The following GABRG2 variants were observed in gnomAD, a reference collection of about 807,000 sequenced individuals.
The protein encoded by GABRG2 is gamma-aminobutyric acid receptor subunit gamma-2.
GABRG2 carries 16 observed loss-of-function variants against 56.4 expected under a neutral mutation model. That is an observed-to-expected ratio of 0.28 (90% CI 0.19 to 0.43). The LOEUF (loss-of-function observed/expected upper bound fraction) is 0.43, where lower values mean the gene tolerates loss of function less well. Ranked by LOEUF, GABRG2 falls within the 20% of genes least tolerant of loss-of-function variation. The probability of loss-of-function intolerance (pLI) is 1.00; values close to 1 mark genes in which losing one functional copy is unlikely to be tolerated. For missense variants in GABRG2, 327 were observed against 582.7 expected (o/e 0.56, Z 4.52); for synonymous variants, 208 against 205.5 (o/e 1.01, Z -0.10).
intron 6 of GABRG2, among the ~76,000 whole-genome samples, chr5:162,112,468 A>G (rs1762322872): frequency 1.3e-5 from 2 of 152,052 alleles, no homozygotes; most frequent in African/African-American, 4.8e-5. Context: ...CAGAGATGAT[A>G]CTCTACACAT....
At chr5:162,151,155 A>G (rs1454147372) in intron 8 of GABRG2, 2 of 153,324 alleles carry the variant, frequency 1.3e-5, no homozygotes, top group Non-Finnish European at 2.9e-5. Flanking sequence ...AGATAGAGGC[A>G]GATTCCCTTA....
intron 1 of GABRG2, among the ~76,000 whole-genome samples, chr5:162,076,899 A>T (rs1274753873): frequency 6.6e-6 from 1 of 152,026 alleles, no homozygotes; most frequent in East Asian, 1.9e-4. Flanking sequence ...ACTGCCCAAA[A>T]TACCTTTCTG....
intron 6 of GABRG2, among the ~76,000 whole-genome samples, chr5:162,113,777 G>A (rs372087393): frequency 6.6e-6 from 1 of 152,126 alleles, no homozygotes. Context: ...ACTGTGTAAC[G>A]GTTCCTTGTT....
chr5:162,078,971 A>T (rs1759426143), intron 1 of GABRG2, among the ~76,000 whole-genome samples: 1 of 150,330 alleles, frequency 6.7e-6, no homozygotes, highest in Non-Finnish European at 1.5e-5. Flanking sequence ...TTTATATATT[A>T]ATAATTAAAT....
At chr5:162,085,095 C>A (rs1363637) in intron 1 of GABRG2, among the ~76,000 whole-genome samples, 55 of 151,884 alleles carry the variant, frequency 3.6e-4, no homozygotes, top group African/African-American at 1.3e-3. Context: ...GTTATGAGGC[C>A]GTCAATATTG....
chr5:162,080,346 G>A (rs960546946), intron 1 of GABRG2, among the ~76,000 whole-genome samples: 3 of 152,110 alleles, frequency 2.0e-5, no homozygotes, highest in African/African-American at 7.2e-5. Flanking sequence ...TGGATAAGAA[G>A]TTGAGACTAT....
At chr5:162,152,684 C>CTAAGCATGA (rs1437168695) in intron 9 of GABRG2, 7 of 385,288 alleles carry the variant, frequency 1.8e-5, no homozygotes, top group African/African-American at 4.1e-5. Flanking sequence ...AAGCATGACA[C>CTAAGCATGA]AATATTTGAT....
intron 9 of GABRG2, chr5:162,151,967 A>T (rs1765406635): frequency 6.5e-6 from 3 of 461,752 alleles, no homozygotes; most frequent in Non-Finnish European, 1.1e-5. Context: ...CAAAAGCTAT[A>T]ATCCCTGTGA....
At chr5:162,140,797 C>T (rs532791583) in intron 6 of GABRG2, among the ~76,000 whole-genome samples, 1 of 152,194 alleles carries the variant, frequency 6.6e-6, no homozygotes, top group East Asian at 1.9e-4. Context: ...ATGTGTTTCT[C>T]TAATATATTT....
intron 6 of GABRG2, among the ~76,000 whole-genome samples, chr5:162,141,135 C>G (rs1764533287): frequency 6.6e-6 from 1 of 152,048 alleles, no homozygotes; most frequent in African/African-American, 2.4e-5. Flanking sequence ...CTCCCGGGTT[C>G]ACGCCATTCT....
At position 162,155,072 on chromosome 5, in the gene GABRG2, A is replaced by G. The variant is rs1561663328; in HGVS notation, c.*1704A>G. The G allele has an allele frequency of 6.6e-6, 1 of 152,556 alleles. No individual in the cohort carries two copies. Among genetic ancestry groups the G allele is most frequent in the Admixed American group, 6.6e-5 (1 of 15,252 alleles). 9.5% of individuals were successfully genotyped at this position (152,556 alleles called of 1,614,324 possible). The stretch of plus-strand genomic sequence containing the variant: ...GTATAACTTTACAGATAACCTAAAA[A>G]GAATAGAAAAGAAGAGAGAGTGGCT... On this transcript the variant is annotated 3_prime_UTR_variant, in exon 10 of 10. Transcript: ENST00000639213.
At chr5:162,102,510 T>TTGGTTG (rs1561644645) in intron 5 of GABRG2, 1 of 453,802 alleles carries the variant, frequency 2.2e-6, no homozygotes. Context: ...TATCATCATT[T>TTGGTTG]TTGTTGTTGT....
intron 1 of GABRG2, among the ~76,000 whole-genome samples, chr5:162,068,834 T>C (rs978845654): frequency 1.2e-4 from 19 of 152,150 alleles, no homozygotes; most frequent in African/African-American, 4.6e-4. Flanking sequence ...CTGATCTGTT[T>C]ACCTCTACTC....
chr5:162,142,648 G>A (rs1764662798), intron 7 of GABRG2: 1 of 347,254 alleles, frequency 2.9e-6, no homozygotes, highest in Admixed American at 3.9e-5. Flanking sequence ...CTATCGCAAG[G>A]ACAAAAAACC....
chr5:162,088,439 G>A (rs150518431), intron 1 of GABRG2, among the ~76,000 whole-genome samples: 16 of 152,230 alleles, frequency 1.1e-4, no homozygotes, highest in Non-Finnish European at 1.9e-4. Flanking sequence ...TTTAAATGAG[G>A]CAGATGATCA....
chr5:162,076,143 C>A (rs573818463), intron 1 of GABRG2, among the ~76,000 whole-genome samples: 8 of 151,988 alleles, frequency 5.3e-5, no homozygotes, highest in African/African-American at 2.4e-5. Context: ...CAGAGTGAGA[C>A]CCCGTCTCAA....
chr5:162,090,565 C>G (rs968557540), intron 1 of GABRG2, among the ~76,000 whole-genome samples: 2 of 152,078 alleles, frequency 1.3e-5, no homozygotes, highest in East Asian at 1.9e-4. Context: ...ATTTTCTAAC[C>G]ATGAATATTT....
chr5:162,084,621 A>G (rs1258919977), intron 1 of GABRG2, among the ~76,000 whole-genome samples: 1 of 151,904 alleles, frequency 6.6e-6, no homozygotes, highest in Non-Finnish European at 1.5e-5. Context: ...ACATACAGCC[A>G]GGGATAAGAG....
chr5:162,129,367 T>A (rs1214684519), intron 6 of GABRG2: 1 of 151,966 alleles, frequency 6.6e-6, no homozygotes, highest in Non-Finnish European at 1.5e-5. Context: ...TCACTAAGGG[T>A]ATCTTTCTTA....
Sources: gnomAD v4.1 joint callset for allele counts (sites outside exome capture counted in the v4.1 genomes callset) on GRCh38, gnomAD v4.1.1 for gene constraint, MANE v1.5 for transcripts, NCBI Gene and HGNC (gene_info 2026-07-23, HGNC 2026-07-21) for gene names.